The following RBM33 variants were observed in gnomAD, a reference collection of about 807,000 sequenced individuals.
RBM33 encodes the protein RNA binding motif protein 33, also known as RNA-binding protein 33.
In RBM33, 28 loss-of-function variants were observed where a neutral mutation model predicts 132.6. That is an observed-to-expected ratio of 0.21 (90% CI 0.16 to 0.29). The LOEUF (loss-of-function observed/expected upper bound fraction) is 0.29, where lower values mean the gene tolerates loss of function less well. RBM33 is among the 10% of genes least tolerant of loss of function. The pLI, the probability that RBM33 is intolerant of heterozygous loss-of-function variation, is 1.00. For missense variants in RBM33, 1,291 were observed against 1,518.5 expected, an observed-to-expected ratio of 0.85 and a Z score of 2.49; for synonymous variants, 634 against 593.0, an observed-to-expected ratio of 1.07 and a Z score of -1.01.
chr7:155,739,775 C>G lies in RBM33; in HGVS notation c.1798C>G (p.Gln600Glu). ...HQPQPQQPQQ[Q>E]PPPQHQPPHQ... is the part of the protein sequence containing the mutation. ...GCCTCAGCCTCAGCAACCTCAGCAACAGCCCCCGCCACAGCACCAGCCTCC... is the reference window on the plus strand; with the variant it reads ...GCCTCAGCCTCAGCAACCTCAGCAAGAGCCCCCGCCACAGCACCAGCCTCC... Residue 600 changes from glutamine to glutamate, a missense_variant, in exon 12 of 18, where the codon CAG becomes GAG. Transcript: ENST00000401878. The G allele has an allele frequency of 6.5e-7, 1 of 1,536,550 alleles. No individual in the cohort carries two copies. Among genetic ancestry groups the G allele is most frequent in the Non-Finnish European group, 8.8e-7 (1 of 1,138,894 alleles).
At chr7:155,696,290 G>A (rs1799792778) in intron 5 of RBM33, among the ~76,000 whole-genome samples, 1 of 152,164 alleles carries the variant, frequency 6.6e-6, no homozygotes, top group Admixed American at 6.5e-5. Context: ...GTCTGGTTAG[G>A]ATTTTGATAG....
At chr7:155,756,960 G>A (rs1012865896) in intron 14 of RBM33, among the ~76,000 whole-genome samples, 1 of 152,160 alleles carries the variant, frequency 6.6e-6, no homozygotes, top group African/African-American at 2.4e-5. Context: ...GGACCACCAA[G>A]CTGTATTAGA....
chr7:155,681,984 G>A (rs1290443168), intron 5 of RBM33, among the ~76,000 whole-genome samples: 3 of 151,294 alleles, frequency 2.0e-5, no homozygotes, highest in Non-Finnish European at 4.4e-5. Flanking sequence ...GCAGTGGTGC[G>A]ATCTCCACTC....
chr7:155,700,545 CCTTTTTTTTTT>C (rs1433522105), intron 5 of RBM33, among the ~76,000 whole-genome samples: 3 of 82,804 alleles, frequency 3.6e-5, no homozygotes, highest in Non-Finnish European at 7.1e-5. Flanking sequence ...AAGAATTTGA[CCTTTTTTTTTT>C]TTTTTTTTTT....
At chr7:155,673,610 A>G in intron 3 of RBM33, among the ~76,000 whole-genome samples, 1 of 97,820 alleles carries the variant, frequency 1.0e-5, no homozygotes, top group East Asian at 3.0e-4. Context: ...ATATACATAC[A>G]CACGTGTATA....
intron 14 of RBM33, among the ~76,000 whole-genome samples, chr7:155,757,525 T>C (rs1231491799): frequency 1.3e-5 from 2 of 152,196 alleles, no homozygotes; most frequent in Non-Finnish European, 2.9e-5. Context: ...CAACTCTGTC[T>C]GAAAATAGTT....
intron 14 of RBM33, among the ~76,000 whole-genome samples, chr7:155,762,238 CCTGTTCCAAA>C (rs1458755374): frequency 6.6e-6 from 1 of 152,210 alleles, no homozygotes; most frequent in Non-Finnish European, 1.5e-5. Flanking sequence ...TGGTGTGCTG[CCTGTTCCAAA>C]CTGAACCATG....
At chr7:155,686,711 T>A (rs1488121850) in intron 5 of RBM33, among the ~76,000 whole-genome samples, 2 of 152,010 alleles carry the variant, frequency 1.3e-5, no homozygotes, top group Non-Finnish European at 2.9e-5. Flanking sequence ...TTCCCACCTA[T>A]GAGTGAGAAC....
At chr7:155,674,588 C>G (rs1799125228) in intron 3 of RBM33, among the ~76,000 whole-genome samples, 1 of 151,826 alleles carries the variant, frequency 6.6e-6, no homozygotes, top group African/African-American at 2.4e-5. Flanking sequence ...TACATGTGAC[C>G]TCCTCTCATA....
At chr7:155,653,816 G>A (rs149402015) in intron 1 of RBM33, among the ~76,000 whole-genome samples, 1 of 152,176 alleles carries the variant, frequency 6.6e-6, no homozygotes, top group Non-Finnish European at 1.5e-5. Flanking sequence ...AATAGCAATG[G>A]GGGGAGGTGT....
In RBM33 at chr7:155,644,805, G is replaced by C. The variant is rs1404297170; in HGVS notation, c.-72G>C. 3.1e-5 allele frequency: 41 copies of C among 1,304,184 alleles called. No individual in the cohort carries two copies. The highest frequency in any genetic ancestry group is 4.0e-5 in the Non-Finnish European group (40 of 987,674). 80.8% of individuals were successfully genotyped at this position (1,304,184 alleles called of 1,614,324 possible). The stretch of plus-strand genomic sequence containing the variant: ...CTCTGTCCTCCGTCACCCGTACCCG[G>C]GCCCGGACCAGGCACGTCGGCCCAC... On this transcript the variant is annotated 5_prime_UTR_variant, in exon 1 of 18. Transcript: ENST00000401878.
chr7:155,645,232 A>C, intron 1 of RBM33: 1 of 313,736 alleles, frequency 3.2e-6, no homozygotes, highest in East Asian at 5.7e-5. Flanking sequence ...CTGGTGTCCT[A>C]TGGGTAGGAG....
chr7:155,774,618 C>T lies in RBM33; in HGVS notation c.3435C>T (p.His1145=), dbSNP rs775839923. 115 of 1,613,964 alleles carry T rather than the reference C, an allele frequency of 7.1e-5. 1 individual carries two copies. In the South Asian group the frequency reaches 1.1e-3, roughly 15 times the overall value. ...TAGCTAAGTTCAAGGAGCCAGCCCA[C>T]GCATTAGCATTTCAGCAGAAATTCC... ...KAIAKFKEPA[H]ALAFQQKFHR... is the part of the protein sequence containing the mutation. Residue 1145 remains histidine (H), a synonymous_variant, in exon 17 of 18, where the codon CAC becomes CAT. Transcript: ENST00000401878. The surrounding 1 kb of genome is among the most constrained non-coding windows in gnomAD (Gnocchi z 4.2).
chr7:155,702,216 G>C (rs564759863), intron 6 of RBM33, among the ~76,000 whole-genome samples: 56 of 152,186 alleles, frequency 3.7e-4, no homozygotes, highest in Non-Finnish European at 6.6e-4. Flanking sequence ...CAAAACATGA[G>C]CCTGTATCTT....
chr7:155,673,661 C>T (rs867279941), intron 3 of RBM33, among the ~76,000 whole-genome samples: 2 of 108,128 alleles, frequency 1.8e-5, no homozygotes, highest in Non-Finnish European at 3.8e-5. Flanking sequence ...TATATACACA[C>T]ATATACATAC....
chr7:155,706,961 G>T lies in RBM33; in HGVS notation c.841G>T (p.Gly281Cys). ...YSSRRGGRRG[G>C]PLMCRGVGDQ... ...CTCCAGGCGGGGAGGACGGCGAGGA[G>T]GTCCGCTGATGTGTCGTGGTGTGGG... The change falls in exon 7 of 18, where the codon GGT becomes TGT. Residue 281 changes from glycine (G) to cysteine (C), a missense_variant. By Grantham distance (159) the Gly-to-Cys change is radical (BLOSUM62 -3). Coordinates refer to ENST00000401878, the MANE Select transcript of RBM33 (RefSeq NM_053043.3). 2 of 1,601,858 alleles carry T rather than the reference G, an allele frequency of 1.2e-6. No individual in the cohort carries two copies. The highest frequency in any genetic ancestry group is 1.7e-6 in the Non-Finnish European group (2 of 1,174,300).
At chr7:155,724,091 A>G (rs973374187) in intron 9 of RBM33, among the ~76,000 whole-genome samples, 2 of 152,090 alleles carry the variant, frequency 1.3e-5, no homozygotes, top group Admixed American at 6.5e-5. Context: ...GTGCAGGGAA[A>G]TCTTAGTTAC....
chr7:155,730,007 A>G (rs73734713), intron 9 of RBM33, among the ~76,000 whole-genome samples: 1,982 of 152,314 alleles, frequency 0.013, 49 homozygotes, highest in African/African-American at 0.045. Flanking sequence ...GTTTTACAGC[A>G]TGCCGCAGTA....
At position 155,775,599 on chromosome 7, in the gene RBM33, G is replaced by T. The variant is rs1191153221; in HGVS notation, c.*558G>T. The T allele has an allele frequency of 1.2e-5, 2 of 162,072 alleles. No individual in the cohort carries two copies. Among genetic ancestry groups the T allele is most frequent in the East Asian group, 3.5e-4 (2 of 5,758 alleles). 10.0% of individuals were successfully genotyped at this position (162,072 alleles called of 1,614,324 possible). On this transcript the variant is annotated 3_prime_UTR_variant, in exon 18 of 18. Coordinates refer to ENST00000401878, the MANE Select transcript of RBM33 (RefSeq NM_053043.3). ...CATACCCTGGAAAGCCAGGGTGTGAGTGGGGTGGTTGGGAGTGGTGCCAGT... is the reference window on the plus strand; with the variant it reads ...CATACCCTGGAAAGCCAGGGTGTGATTGGGGTGGTTGGGAGTGGTGCCAGT...
Sources: gnomAD v4.1 joint callset for allele counts (sites outside exome capture counted in the v4.1 genomes callset) on GRCh38, gnomAD v4.1.1 for gene constraint, Gnocchi (gnomAD v3.1) non-coding constraint, MANE v1.5 for transcripts, NCBI Gene and HGNC (gene_info 2026-07-23, HGNC 2026-07-21) for gene names.